The following FANCL variants were observed in gnomAD, a reference collection of about 807,000 sequenced individuals.
FANCL encodes FA complementation group L, also known as E3 ubiquitin-protein ligase FANCL.
FANCL carries 69 observed loss-of-function variants against 59.4 expected under a neutral mutation model. The observed-to-expected ratio is 1.16, with a 90% CI of 0.96 to 1.42. The LOEUF is 1.42. Among genes scored for constraint, FANCL ranks in the 40% most tolerant of loss-of-function variants. The probability of loss-of-function intolerance (pLI) is 0.00; values close to 1 mark genes in which losing one functional copy is unlikely to be tolerated. For synonymous variants in FANCL, 180 were observed against 147.1 expected (o/e 1.22, Z -1.62); for missense variants, 519 against 447.2 (o/e 1.16, Z -1.45).
At chr2:58,173,779 C>T (rs887756839) in intron 7 of FANCL, among the ~76,000 whole-genome samples, 2 of 152,064 alleles carry the variant, frequency 1.3e-5, no homozygotes, top group Non-Finnish European at 2.9e-5. Flanking sequence ...CAAACTCACA[C>T]ATAACAATAT....
At chr2:58,201,584 T>C (rs1232983997) in intron 6 of FANCL, among the ~76,000 whole-genome samples, 1 of 151,994 alleles carries the variant, frequency 6.6e-6, no homozygotes, top group Non-Finnish European at 1.5e-5. Flanking sequence ...GTAATTTGTT[T>C]TTCAAGTAGT....
Position 58,179,137 on chromosome 2 carries a change from C to T in FANCL, c.541-13263G>A, listed in dbSNP as rs374521238. 8.5e-5 allele frequency among the ~76,000 whole-genome samples: 13 copies of T among 152,196 alleles called. No homozygotes were observed. The East Asian group carries it at 2.3e-3, about 27-fold the overall frequency. On this transcript the variant is annotated intron_variant, in intron 7 of 13. Coordinates refer to ENST00000233741, the MANE Select transcript of FANCL (RefSeq NM_018062.4). ...ATTCATGGATAGGAAGAATCAATAT[C>T]GTGAAAATGGCCATACTGCCCTAAG...
chr2:58,222,161 T>C, intron 4 of FANCL, 119 bp from the exon 5 acceptor site: 1 of 716,728 alleles, frequency 1.4e-6, no homozygotes, highest in East Asian at 2.8e-5. Flanking sequence ...GCCTGTTTTT[T>C]TACGGAAATC....
Position 58,204,802 on chromosome 2 carries a change from T to A in FANCL, c.375-576A>T, listed in dbSNP as rs1421548660. 7.9e-5 allele frequency among the ~76,000 whole-genome samples: 12 copies of A among 152,266 alleles called. No homozygotes were observed. The South Asian group carries it at 2.3e-3, about 29-fold the overall frequency. On this transcript the variant is annotated intron_variant, in intron 5 of 13. Transcript: ENST00000233741. ...TTCTTTCTGCACGATATATAGCTTCTGACACTTAACCTATGCATGTATTCA... is the reference window on the plus strand; with the variant it reads ...TTCTTTCTGCACGATATATAGCTTCAGACACTTAACCTATGCATGTATTCA...
rs771742741 is a variant in FANCL, at chr2:58,162,863, TAC to T, written c.903+1_903+2del. 7.5e-6 allele frequency: 12 copies of T among 1,609,672 alleles called. No homozygotes were observed. Among genetic ancestry groups the T allele is most frequent in the South Asian group, 1.1e-5 (1 of 90,988 alleles). ...GGAATATCAAAACACTGATAAAACT[TAC>T]AGATTTTTCCAGGATAGCACGAGCT... is the stretch of plus-strand genomic sequence containing the variant. On this transcript the variant is annotated splice_donor_variant, in intron 11 of 13. Coordinates refer to ENST00000233741, the MANE Select transcript of FANCL (RefSeq NM_018062.4). LOFTEE classifies it high-confidence loss of function.
chr2:58,240,667 T>C (rs986422812), intron 1 of FANCL, among the ~76,000 whole-genome samples: 1 of 152,216 alleles, frequency 6.6e-6, no homozygotes, highest in Non-Finnish European at 1.5e-5. Context: ...GAGAGGCCAC[T>C]GGAATCAGCA....
intron 7 of FANCL, among the ~76,000 whole-genome samples, chr2:58,190,972 C>G (rs1688866612): frequency 6.6e-6 from 1 of 151,842 alleles, no homozygotes. Flanking sequence ...CTTTTTGTCA[C>G]TGAAGTATCT....
chr2:58,241,121 A>T, intron 1 of FANCL, 97 bp downstream of exon 1: 2 of 1,314,896 alleles, frequency 1.5e-6, no homozygotes, highest in South Asian at 1.2e-5. Context: ...AATCCCCACA[A>T]GTCTGGGCCC....
intron 6 of FANCL, among the ~76,000 whole-genome samples, chr2:58,201,942 A>G (rs1307663603): frequency 1.3e-5 from 2 of 151,764 alleles, no homozygotes; most frequent in Non-Finnish European, 3.0e-5. Context: ...TTTATGAAAA[A>G]AGCCTACTTT....
rs1471439400 is a variant in FANCL at position 58,235,591 on chromosome 2, G to T, written c.97-3479C>A. 1.3e-5 allele frequency among the ~76,000 whole-genome samples: 2 copies of T among 151,934 alleles called. 1 individual carries two copies. The highest frequency in any genetic ancestry group is 4.1e-4 in the South Asian group (2 of 4,822). The stretch of plus-strand genomic sequence containing the variant: ...GAACAAAAATATCTAGCATGCAACA[G>T]GTAGCATTCATTATGTCTAGCATCC... On this transcript the variant is annotated intron_variant, in intron 1 of 13. Coordinates refer to ENST00000233741, the MANE Select transcript of FANCL (RefSeq NM_018062.4).
intron 5 of FANCL, among the ~76,000 whole-genome samples, chr2:58,219,721 C>A (rs913171626): frequency 4.6e-5 from 7 of 151,934 alleles, no homozygotes; most frequent in Admixed American, 2.0e-4. Flanking sequence ...AAAAAGTGTG[C>A]CAAAAATTTG....
At chr2:58,182,338 G>T (rs578090979) in intron 7 of FANCL, among the ~76,000 whole-genome samples, 22 of 151,828 alleles carry the variant, frequency 1.4e-4, no homozygotes, top group African/African-American at 5.3e-4. Flanking sequence ...CTAATGTGCA[G>T]ATAAGGTTAA....
chr2:58,166,067 G>T (rs1201497123), intron 7 of FANCL, among the ~76,000 whole-genome samples, 193 bp from the exon 8 acceptor site: 3 of 152,086 alleles, frequency 2.0e-5, no homozygotes, highest in Non-Finnish European at 4.4e-5. Flanking sequence ...CTTTTTTATT[G>T]ACAGTAGACT....
In FANCL at chr2:58,201,169, G is replaced by A. The variant is rs141390750; in HGVS notation, c.472-2507C>T. ...AAGAAAGTAACTTGATCAAAATTAA[G>A]ATACTTTTCAATAATAAGTTGTATA... On this transcript the variant is annotated intron_variant, in intron 6 of 13. Transcript: ENST00000233741. 2.8e-3 allele frequency among the ~76,000 whole-genome samples: 421 copies of A among 150,958 alleles called. 3 individuals are homozygous for A. Among genetic ancestry groups the A allele is most frequent in the African/African-American group, 9.3e-3 (384 of 41,232 alleles).
intron 1 of FANCL, among the ~76,000 whole-genome samples, chr2:58,234,858 T>G (rs892244900): frequency 6.6e-6 from 1 of 152,044 alleles, no homozygotes; most frequent in South Asian, 2.1e-4. Flanking sequence ...TTCTAGCTAT[T>G]ATGGAGTTAA....
chr2:58,231,946 A>G, intron 2 of FANCL, 108 bp downstream of exon 2: 3 of 875,758 alleles, frequency 3.4e-6, no homozygotes, highest in Non-Finnish European at 5.7e-6. Context: ...CAAATGACTA[A>G]TAAGCATTTT....
At chr2:58,218,035 A>G (rs369041049) in intron 5 of FANCL, among the ~76,000 whole-genome samples, 1 of 152,134 alleles carries the variant, frequency 6.6e-6, no homozygotes, top group Non-Finnish European at 1.5e-5. Flanking sequence ...CTGGAACTCA[A>G]TAACCCAAAA....
At chr2:58,212,813 T>C (rs907242499) in intron 5 of FANCL, among the ~76,000 whole-genome samples, 5 of 152,188 alleles carry the variant, frequency 3.3e-5, no homozygotes, top group Non-Finnish European at 5.9e-5. Context: ...AGTTGCTGTT[T>C]TGACTGTGTT....
At chr2:58,204,038 T>G in intron 6 of FANCL, 92 bp downstream of exon 6, 1 of 953,282 alleles carries the variant, frequency 1.0e-6, no homozygotes, top group Non-Finnish European at 1.7e-6. Flanking sequence ...TATTTTTAGA[T>G]GTAACTAGCA....
Sources: allele counts gnomAD v4.1 joint callset (sites outside exome capture counted in the v4.1 genomes callset), GRCh38; gene constraint gnomAD v4.1.1; transcripts MANE v1.5; gene names NCBI Gene and HGNC (gene_info 2026-07-23, HGNC 2026-07-21).